SYBU: variants seen among roughly 807,000 people sequenced by gnomAD.
SYBU encodes the protein syntabulin, also known as GOLSYN A protein.
SYBU carries 21 observed loss-of-function variants against 35.9 expected under a neutral mutation model. The observed-to-expected ratio is 0.58, with a 90% CI of 0.41 to 0.84. The LOEUF (loss-of-function observed/expected upper bound fraction) is 0.84, where lower values mean the gene tolerates loss of function less well. SYBU is among the 40% of genes least tolerant of loss of function. The probability of loss-of-function intolerance (pLI) is 0.00; values close to 1 mark genes in which losing one functional copy is unlikely to be tolerated. For synonymous variants in SYBU, 319 were observed against 324.3 expected, an observed-to-expected ratio of 0.98 and a Z score of 0.18; for missense variants, 768 against 848.2, an observed-to-expected ratio of 0.91 and a Z score of 1.17.
At chr8:109,670,688 A>G (rs934227357) in intron 1 of SYBU, among the ~76,000 whole-genome samples, 2 of 152,144 alleles carry the variant, frequency 1.3e-5, no homozygotes, top group Non-Finnish European at 2.9e-5. Flanking sequence ...TAAGATCTTT[A>G]AATAAAATTT....
At chr8:109,601,439 G>A (rs1382663656) in intron 3 of SYBU, among the ~76,000 whole-genome samples, 1 of 152,194 alleles carries the variant, frequency 6.6e-6, no homozygotes, top group Non-Finnish European at 1.5e-5. Flanking sequence ...ACTGGATGGG[G>A]GAGGCATGGA....
chr8:109,682,320 C>T (rs1487776542), upstream of SYBU, among the ~76,000 whole-genome samples: 4 of 152,208 alleles, frequency 2.6e-5, no homozygotes, highest in Non-Finnish European at 5.9e-5. Context: ...AAGTTTGCAA[C>T]TTCCTAGAGA....
chr8:109,646,560 C>T (rs759846198), upstream of SYBU: 7 of 152,238 alleles, frequency 4.6e-5, no homozygotes, highest in African/African-American at 1.7e-4. Flanking sequence ...TCTACACCCA[C>T]AGCTGTTTCA....
Position 109,595,278 on chromosome 8 carries a change from G to T in SYBU, c.428-9116C>A, listed in dbSNP as rs1236395957. On this transcript the variant is annotated intron_variant, in intron 3 of 6. Coordinates refer to ENST00000276646, the MANE Select transcript of SYBU (RefSeq NM_001099754.2). ...AAAAAAATAAAAGATGGTCCTGGCA[G>T]AGGATGGTAAAAATTCTTCTTTTAG... Among the ~76,000 whole-genome samples the T allele has an allele frequency of 4.6e-5, 7 of 152,310 alleles. No individual in the cohort carries two copies. The East Asian group carries it at 1.3e-3, about 29-fold the overall frequency.
At chr8:109,607,317 G>A (rs1303575697) in intron 3 of SYBU, among the ~76,000 whole-genome samples, 1 of 152,200 alleles carries the variant, frequency 6.6e-6, no homozygotes, top group East Asian at 1.9e-4. Context: ...TGGATGCCAT[G>A]TGAGAAAAGT....
chr8:109,627,530 G>C (rs533287149), intron 2 of SYBU, among the ~76,000 whole-genome samples: 1 of 152,288 alleles, frequency 6.6e-6, no homozygotes, highest in East Asian at 1.9e-4. Context: ...ATATGTTACT[G>C]TTGGGAAAAT....
At chr8:109,657,686 T>C (rs1377410285) in intron 1 of SYBU, among the ~76,000 whole-genome samples, 1 of 152,238 alleles carries the variant, frequency 6.6e-6, no homozygotes, top group Non-Finnish European at 1.5e-5. Flanking sequence ...GCCAAACTTC[T>C]TGCCTAGAGA....
chr8:109,614,771 T>A (rs1384204706), intron 3 of SYBU, among the ~76,000 whole-genome samples: 1 of 152,236 alleles, frequency 6.6e-6, no homozygotes, highest in Admixed American at 6.5e-5. Context: ...CCAACTGGAC[T>A]GTAGTACTGT....
Position 109,691,538 on chromosome 8 carries a change from C to A in SYBU, c.-263G>T, listed in dbSNP as rs1413105477. The A allele has an allele frequency of 2.1e-5, 10 of 469,674 alleles. No individual in the cohort carries two copies. The highest frequency in any genetic ancestry group is 3.6e-5 in the South Asian group (1 of 27,446). 29.1% of individuals were successfully genotyped at this position (469,674 alleles called of 1,614,324 possible). ...ACACGTGGTGCCGCGGAATCCCTTG[C>A]GCTCCGGTGCCCTCGGCCCCTCGGC... On this transcript the variant is annotated 5_prime_UTR_variant, in exon 1 of 8. Transcript: ENST00000422135. This position sits in a 1 kb window ranked among gnomAD's most constrained non-coding sequence, Gnocchi z 4.7.
In SYBU at chr8:109,661,207, C is replaced by T. The variant is rs1395065380; in HGVS notation, c.-129+19504G>A. Among the ~76,000 whole-genome samples, 7 of 152,180 alleles carry T rather than the reference C, an allele frequency of 4.6e-5. No homozygotes were observed. The East Asian group carries it at 1.2e-3, about 25-fold the overall frequency. ...CTGGAATATGAGCATGAGAGAGTGC[C>T]TTCTGACTCCTGAGAAACTTAAGAT... On this transcript the variant is annotated intron_variant, in intron 1 of 5. Coordinates refer to the SYBU transcript ENST00000408889.
upstream of SYBU, chr8:109,648,667 T>C (rs1354197959): frequency 6.6e-6 from 1 of 151,986 alleles, no homozygotes; most frequent in Non-Finnish European, 1.5e-5. Flanking sequence ...TCCCTCACAT[T>C]CACTCTTCCT....
Position 109,639,205 on chromosome 8 carries a change from A to G in SYBU, c.229+3523T>C, listed in dbSNP as rs148416161. Among the ~76,000 whole-genome samples the G allele has an allele frequency of 7.0e-3, 1,060 of 152,330 alleles. 14 individuals are homozygous for G. Among genetic ancestry groups the G allele is most frequent in the African/African-American group, 0.024 (1,008 of 41,572 alleles). ...ATTGAGTTGACATTTGTTTTGCTGAAGTATAGCTACCATCCACTATCATGA... is the reference window on the plus strand; with the variant it reads ...ATTGAGTTGACATTTGTTTTGCTGAGGTATAGCTACCATCCACTATCATGA... On this transcript the variant is annotated intron_variant, in intron 2 of 6. Coordinates refer to ENST00000276646, the MANE Select transcript of SYBU (RefSeq NM_001099754.2).
upstream of SYBU, among the ~76,000 whole-genome samples, chr8:109,682,468 T>TG (rs1457317417): frequency 6.6e-6 from 1 of 152,196 alleles, no homozygotes; most frequent in Admixed American, 6.5e-5. Flanking sequence ...GCAAAGAGAC[T>TG]GGTGGGATTT....
At position 109,603,100 on chromosome 8, in the gene SYBU, G is replaced by A. The variant is rs1398512279; in HGVS notation, c.427+15742C>T. ...GAGCCCAGTGTCCGCCCCAGGAGGG[G>A]ACATGCACTGGGATGCCTCGCTCCT... On this transcript the variant is annotated intron_variant, in intron 3 of 6. Transcript: ENST00000276646. Among the ~76,000 whole-genome samples, 3 of 152,198 alleles carry A rather than the reference G, an allele frequency of 2.0e-5. No individual in the cohort carries two copies. In the East Asian group the frequency reaches 5.8e-4, roughly 29 times the overall value.
chr8:109,633,780 CTGGAGTGCAG>C (rs1421551963), intron 2 of SYBU, among the ~76,000 whole-genome samples: 1 of 152,130 alleles, frequency 6.6e-6, no homozygotes, highest in African/African-American at 2.4e-5. Flanking sequence ...GTCACCCAGG[CTGGAGTGCAG>C]TGGCGCAATC....
chr8:109,689,488 A>AT (rs947077481), intron 1 of SYBU, among the ~76,000 whole-genome samples: 5 of 151,536 alleles, frequency 3.3e-5, no homozygotes, highest in East Asian at 1.9e-4. Context: ...ATGTCCACCT[A>AT]TTTTTTTTAT....
At chr8:109,653,979 G>A (rs983314703) in intron 1 of SYBU, among the ~76,000 whole-genome samples, 1 of 152,106 alleles carries the variant, frequency 6.6e-6, no homozygotes, top group Non-Finnish European at 1.5e-5. Context: ...GAGAGTATCA[G>A]AGGAGTTAAT....
chr8:109,633,477 C>G (rs1813860851), intron 2 of SYBU, among the ~76,000 whole-genome samples: 1 of 152,162 alleles, frequency 6.6e-6, no homozygotes, highest in African/African-American at 2.4e-5. Context: ...AAAGAGGGGA[C>G]AGTCAACCTG....
chr8:109,642,489 A>T (rs912589754), intron 2 of SYBU, among the ~76,000 whole-genome samples: 1 of 152,236 alleles, frequency 6.6e-6, no homozygotes. Context: ...TAGATTTTAC[A>T]TTCGAAATTA....
Sources: gnomAD v4.1 joint callset for allele counts (sites outside exome capture counted in the v4.1 genomes callset) on GRCh38, gnomAD v4.1.1 for gene constraint, Gnocchi (gnomAD v3.1) non-coding constraint, MANE v1.5 for transcripts, NCBI Gene and HGNC (gene_info 2026-07-23, HGNC 2026-07-21) for gene names.